Variants in SOCS2 observed in about 807,000 individuals in gnomAD.
SOCS2 encodes the protein CIS-2.
A neutral mutation model predicts 18.6 loss-of-function variants in SOCS2; 10 were observed. The observed-to-expected ratio is 0.54, with a 90% CI of 0.33 to 0.91. The LOEUF (loss-of-function observed/expected upper bound fraction) is 0.91. Ranked by LOEUF, SOCS2 falls within the 40% of genes least tolerant of loss-of-function variation. The probability of loss-of-function intolerance (pLI) is 0.02; values close to 1 mark genes in which losing one functional copy is unlikely to be tolerated. For synonymous variants in SOCS2, 104 were observed against 104.0 expected, an observed-to-expected ratio of 1.00 and a Z score of 0.00; for missense variants, 231 against 247.2, an observed-to-expected ratio of 0.93 and a Z score of 0.44.
At position 93,574,940 on chromosome 12, in the gene SOCS2, G is replaced by A. The variant is rs1241988709; in HGVS notation, c.358G>A (p.Asp120Asn). The A allele has an allele frequency of 1.9e-6, 3 of 1,614,148 alleles. No individual in the cohort carries two copies. The Admixed American group carries it at 5.0e-5, about 27-fold the overall frequency. The change falls in exon 2 of 2, where the codon GAC (aspartate) becomes AAC (asparagine). Residue 120 changes from aspartate to asparagine, a missense_variant. Physicochemically the swap from Asp to Asn is conservative, Grantham distance 23. This residue lies in a region of SOCS2 where 122 missense variants were observed against 127.2 expected (regional missense o/e 0.96). Coordinates refer to ENST00000551556, the MANE Select transcript of SOCS2 (RefSeq NM_001270471.2). ...ICVKSKLKQF[D>N]SVVHLIDYYV... is the part of the protein sequence containing the mutation. ...TGTCAAATCCAAGCTTAAACAATTT[G>A]ACAGTGTGGTTCATCTGATCGACTA... is the stretch of plus-strand genomic sequence containing the variant.
the SOCS2 span, among the ~76,000 whole-genome samples, chr12:93,594,511 C>T: frequency 2.0e-5 from 3 of 152,136 alleles, no homozygotes; most frequent in African/African-American, 7.2e-5. Context: ...TCAAATGTGT[C>T]ATTTAATTAA....
chr12:93,572,612 C>T (rs1197814985), upstream of SOCS2: 2 of 640,956 alleles, frequency 3.1e-6, no homozygotes, highest in Non-Finnish European at 5.7e-6. This position sits in a 1 kb window ranked among gnomAD's most constrained non-coding sequence, Gnocchi z 5.0. Flanking sequence ...TTTTCCACGT[C>T]TATTTCCCCA....
At chr12:93,581,266 T>C (rs995335531), downstream of SOCS2, among the ~76,000 whole-genome samples, 1 of 152,236 alleles carries the variant, frequency 6.6e-6, no homozygotes, top group East Asian at 1.9e-4. Flanking sequence ...CGCCACCAGA[T>C]AGCTGATTTA....
chr12:93,587,960 C>T (rs190869962), downstream of SOCS2, among the ~76,000 whole-genome samples: 6 of 152,248 alleles, frequency 3.9e-5, no homozygotes, highest in East Asian at 1.9e-4. Flanking sequence ...ACAGAGTGAC[C>T]GCATCAGATT....
At chr12:93,582,728 A>G (rs905619677) in intron 1 of SOCS2, among the ~76,000 whole-genome samples, 1 of 152,040 alleles carries the variant, frequency 6.6e-6, no homozygotes, top group Admixed American at 6.6e-5. Flanking sequence ...CTTGGGGTCC[A>G]CTCTGGTTCT....
chr12:93,604,370 AG>A, the SOCS2 span, among the ~76,000 whole-genome samples: 9 of 152,198 alleles, frequency 5.9e-5, 1 homozygote, highest in East Asian at 1.7e-3. Context: ...TTTATTCCCC[AG>A]ACCAAGCAGA....
the SOCS2 span, among the ~76,000 whole-genome samples, chr12:93,589,556 T>TTTTTG: frequency 3.3e-5 from 5 of 152,276 alleles, no homozygotes; most frequent in African/African-American, 1.2e-4. Context: ...TTTTTGTTTG[T>TTTTTG]TTTTGTTTTG....
intron 1 of SOCS2, chr12:93,574,430 T>G (rs1264776983): frequency 1.2e-5 from 3 of 260,142 alleles, no homozygotes; most frequent in African/African-American, 6.7e-5. Context: ...ATGCTGCAGA[T>G]GTTCTTTTGG....
the SOCS2 span, among the ~76,000 whole-genome samples, chr12:93,591,198 G>T: frequency 6.6e-6 from 1 of 150,884 alleles, no homozygotes; most frequent in Admixed American, 6.6e-5. Flanking sequence ...CTAATGAAGC[G>T]CCAGAAGAGA....
the SOCS2 span, among the ~76,000 whole-genome samples, chr12:93,596,907 T>G: frequency 6.6e-6 from 1 of 152,166 alleles, no homozygotes; most frequent in Non-Finnish European, 1.5e-5. Flanking sequence ...CTACAAATTG[T>G]CTTTCTTCTT....
At chr12:93,591,235 G>GT in the SOCS2 span, among the ~76,000 whole-genome samples, 8 of 139,556 alleles carry the variant, frequency 5.7e-5, no homozygotes, top group East Asian at 2.3e-4. Context: ...AAAGGGAGGT[G>GT]TTTTTTAAAA....
At chr12:93,605,199 T>G in the SOCS2 span, among the ~76,000 whole-genome samples, 16 of 152,322 alleles carry the variant, frequency 1.1e-4, no homozygotes, top group Non-Finnish European at 8.8e-5. Context: ...ACCACCCACA[T>G]TTAACAAGGA....
chr12:93,573,599 T>A, intron 1 of SOCS2: 1 of 183,662 alleles, frequency 5.4e-6, no homozygotes, highest in Non-Finnish European at 1.1e-5. Flanking sequence ...TCAAGTACAG[T>A]CAGGCAATTC....
chr12:93,622,089 A>G, the SOCS2 span, among the ~76,000 whole-genome samples: 2 of 152,088 alleles, frequency 1.3e-5, no homozygotes, highest in Non-Finnish European at 2.9e-5. Context: ...GGCCTGCACA[A>G]TTTTCTTTAG....
At chr12:93,614,138 C>T in the SOCS2 span, among the ~76,000 whole-genome samples, 1 of 151,952 alleles carries the variant, frequency 6.6e-6, no homozygotes, top group Admixed American at 6.6e-5. Flanking sequence ...AAGCCACTCG[C>T]TCTCTCAACC....
the SOCS2 span, among the ~76,000 whole-genome samples, chr12:93,593,180 T>C: frequency 6.6e-6 from 1 of 152,110 alleles, no homozygotes; most frequent in East Asian, 1.9e-4. Flanking sequence ...TGGAAGGTGG[T>C]TCTGGAGAGG....
downstream of SOCS2, among the ~76,000 whole-genome samples, chr12:93,585,031 G>A (rs1261558505): frequency 6.6e-6 from 1 of 152,090 alleles, no homozygotes; most frequent in Non-Finnish European, 1.5e-5. Context: ...CCAAAGTGCT[G>A]GGATTACAGG....
At chr12:93,616,048 C>G in the SOCS2 span, among the ~76,000 whole-genome samples, 1 of 152,194 alleles carries the variant, frequency 6.6e-6, no homozygotes, top group Non-Finnish European at 1.5e-5. Context: ...CTGCCTCAGG[C>G]CCTGTGGGGA....
the SOCS2 span, among the ~76,000 whole-genome samples, chr12:93,603,908 A>C: frequency 6.6e-6 from 1 of 152,234 alleles, no homozygotes; most frequent in Non-Finnish European, 1.5e-5. Context: ...GATGATTGGC[A>C]TGTATTATCA....
Sources: gnomAD v4.1 joint callset for allele counts (sites outside exome capture counted in the v4.1 genomes callset) on GRCh38, gnomAD v4.1.1 for gene constraint, gnomAD v4.1.1 regional missense constraint, Gnocchi (gnomAD v3.1) non-coding constraint, MANE v1.5 for transcripts, NCBI Gene and HGNC (gene_info 2026-07-23, HGNC 2026-07-21) for gene names.